Variants in HNRNPUL1 observed in about 807,000 individuals in gnomAD.
HNRNPUL1 encodes the protein heterogeneous nuclear ribonucleoprotein U-like protein 1.
In HNRNPUL1, 14 loss-of-function variants were observed where a neutral mutation model predicts 108.5. That is an observed-to-expected ratio of 0.13 (90% CI 0.09 to 0.20). The LOEUF is 0.20. HNRNPUL1 is among the 10% of genes least tolerant of loss of function. The pLI, the probability that HNRNPUL1 is intolerant of heterozygous loss-of-function variation, is 1.00. For missense variants in HNRNPUL1, 804 were observed against 1,168.3 expected (o/e 0.69, Z 4.55); for synonymous variants, 422 against 445.2 (o/e 0.95, Z 0.66).
At chr19:41,295,178 C>T (rs771787543) in intron 10 of HNRNPUL1, among the ~76,000 whole-genome samples, 1 of 152,162 alleles carries the variant, frequency 6.6e-6, no homozygotes, top group Non-Finnish European at 1.5e-5. Context: ...ATGCCAACAG[C>T]AGTGCTGTAA....
intron 7 of HNRNPUL1, among the ~76,000 whole-genome samples, chr19:41,286,868 C>G (rs1402454802): frequency 6.6e-6 from 1 of 151,884 alleles, no homozygotes; most frequent in Non-Finnish European, 1.5e-5. Context: ...AGGCGCCTGC[C>G]ACCATGCCTG....
rs182493352 is a variant in HNRNPUL1 at position 41,265,740 on chromosome 19, G to A, written c.295+942G>A. 4.4e-4 allele frequency among the ~76,000 whole-genome samples: 67 copies of A among 152,198 alleles called. 1 individual carries two copies. The East Asian group carries it at 0.013, about 29-fold the overall frequency. ...TTTTTGGAGAACAGAGGGTAGCTGG[G>A]GGTGGGATGGGGGCAGATGAGTTGG... On this transcript the variant is annotated intron_variant, in intron 1 of 14. Transcript: ENST00000392006.
rs552665670 is a variant in HNRNPUL1, at chr19:41,277,132, C to G, written c.786+834C>G. ...AACAAAAAAACAAAAACAAAAAAAA[C>G]AAAACAGGTTATTCTCATGTCCTCT... On this transcript the variant is annotated intron_variant, in intron 5 of 14. Transcript: ENST00000392006. 7.7e-4 allele frequency among the ~76,000 whole-genome samples: 116 copies of G among 150,584 alleles called. 2 individuals are homozygous for G. The Middle Eastern group carries it at 0.028, about 36-fold the overall frequency.
chr19:41,305,564 AG>A, intron 13 of HNRNPUL1, 111 bp from the exon 14 acceptor site: 1 of 1,291,082 alleles, frequency 7.7e-7, no homozygotes, highest in East Asian at 2.3e-5. Context: ...AGGCAAGGGA[AG>A]GGCCCCTGTG....
intron 7 of HNRNPUL1, among the ~76,000 whole-genome samples, chr19:41,289,160 C>G (rs965043490): frequency 2.0e-5 from 3 of 152,132 alleles, no homozygotes; most frequent in African/African-American, 7.2e-5. Flanking sequence ...TAGGCCTTGA[C>G]TCTTGCTTCA....
At chr19:41,273,747 C>A (rs1599775666) in intron 3 of HNRNPUL1, among the ~76,000 whole-genome samples, 2 of 152,098 alleles carry the variant, frequency 1.3e-5, no homozygotes, top group Admixed American at 6.5e-5. Context: ...TTCTGATGCC[C>A]CCCTTCAGCA....
chr19:41,265,087 C>T lies in HNRNPUL1; in HGVS notation c.295+289C>T, dbSNP rs1376447724. On this transcript the variant is annotated intron_variant, in intron 1 of 14. Coordinates refer to ENST00000392006, the MANE Select transcript of HNRNPUL1 (RefSeq NM_007040.6). ...CGTAGGGATCGGAGACCGGAAACTGCTTTCTGGAGCCGAAGAGAGTCGGAA... is the reference window on the plus strand; with the variant it reads ...CGTAGGGATCGGAGACCGGAAACTGTTTTCTGGAGCCGAAGAGAGTCGGAA... 3.5e-6 allele frequency: 5 copies of T among 1,414,192 alleles called. No individual in the cohort carries two copies. The Admixed American group carries it at 1.2e-4, about 34-fold the overall frequency. 87.6% of individuals were successfully genotyped at this position (1,414,192 alleles called of 1,614,324 possible).
rs2122809309 is a variant in HNRNPUL1 at position 41,292,017 on chromosome 19, C to T, written c.1000-228C>T. The T allele has an allele frequency of 6.9e-6, 3 of 432,596 alleles. No homozygotes were observed. The highest frequency in any genetic ancestry group is 4.7e-5 in the East Asian group (1 of 21,286). The allele number at this position is 432,596 out of a possible 1,614,324, so 26.8% of individuals were successfully genotyped here. ...AACAAAAAAAAAAAACTCTTGCTTA[C>T]TTGCTTCATATCCACCAACTTTGGG... is the stretch of plus-strand genomic sequence containing the variant. On this transcript the variant is annotated intron_variant, in intron 7 of 14. Coordinates refer to ENST00000392006, the MANE Select transcript of HNRNPUL1 (RefSeq NM_007040.6). The surrounding 1 kb of genome is among the most constrained non-coding windows in gnomAD (Gnocchi z 4.1).
rs1469123584 is a variant in HNRNPUL1 at position 41,278,932 on chromosome 19, C to A, written c.787-145C>A. ...CCTGGCTTCGATTCGGTTCAACAGG[C>A]TTTTCAGAGCTGCTTAAACGCTTCT... On this transcript the variant is annotated intron_variant, in intron 5 of 14. Transcript: ENST00000392006. 8 of 655,578 alleles carry A rather than the reference C, an allele frequency of 1.2e-5. No homozygotes were observed. The Admixed American group carries it at 2.0e-4, about 16-fold the overall frequency. The allele number at this position is 655,578 out of a possible 1,614,324, so 40.6% of individuals were successfully genotyped here.
chr19:41,269,369 A>T (rs1331025332), intron 2 of HNRNPUL1, among the ~76,000 whole-genome samples: 1 of 150,810 alleles, frequency 6.6e-6, no homozygotes. Context: ...AGTTAAAGCT[A>T]CTCAGGAGAC....
chr19:41,270,543 G>T (rs559612807), intron 2 of HNRNPUL1, among the ~76,000 whole-genome samples: 1 of 149,224 alleles, frequency 6.7e-6, no homozygotes, highest in Non-Finnish European at 1.5e-5. Flanking sequence ...ATCATGTTAA[G>T]TATATGTCTT....
At chr19:41,304,390 G>T in intron 13 of HNRNPUL1, 129 bp downstream of exon 13, 1 of 1,453,962 alleles carries the variant, frequency 6.9e-7, no homozygotes, top group East Asian at 2.5e-5. Context: ...CTAACCTCTA[G>T]CCTGCCCTTC....
chr19:41,299,242 C>T (rs2037059887), intron 10 of HNRNPUL1, among the ~76,000 whole-genome samples: 1 of 152,184 alleles, frequency 6.6e-6, no homozygotes, highest in Non-Finnish European at 1.5e-5. Flanking sequence ...TGCCCACATC[C>T]TCCTTCGTGA....
At chr19:41,302,349 G>T (rs1333113350) in intron 11 of HNRNPUL1, 2 of 375,170 alleles carry the variant, frequency 5.3e-6, no homozygotes, top group Non-Finnish European at 1.0e-5. Flanking sequence ...CTCCCGAGTA[G>T]CTGGGACTAC....
chr19:41,282,261 C>T (rs1390695425), intron 7 of HNRNPUL1, among the ~76,000 whole-genome samples: 3 of 152,198 alleles, frequency 2.0e-5, no homozygotes, highest in Non-Finnish European at 2.9e-5. Context: ...CGGCTCACCA[C>T]AATCTCCGCC....
chr19:41,285,046 G>C (rs2036143139), intron 7 of HNRNPUL1, among the ~76,000 whole-genome samples: 1 of 148,628 alleles, frequency 6.7e-6, no homozygotes, highest in Admixed American at 6.7e-5. Context: ...TCAAGAAAAA[G>C]TGAAGTCATT....
intron 10 of HNRNPUL1, among the ~76,000 whole-genome samples, chr19:41,296,902 G>C (rs1314206889): frequency 6.6e-6 from 1 of 152,194 alleles, no homozygotes; most frequent in Non-Finnish European, 1.5e-5. Flanking sequence ...CTCCTGTTAT[G>C]TAGGTTGGCC....
At chr19:41,297,516 A>C (rs2036960729) in intron 10 of HNRNPUL1, among the ~76,000 whole-genome samples, 1 of 152,144 alleles carries the variant, frequency 6.6e-6, no homozygotes, top group Admixed American at 6.5e-5. Context: ...GGAGGTGGGA[A>C]GCCTCTGGAA....
At chr19:41,304,751 C>G (rs576309308) in intron 13 of HNRNPUL1, among the ~76,000 whole-genome samples, 1 of 152,344 alleles carries the variant, frequency 6.6e-6, no homozygotes, top group African/African-American at 2.4e-5. Context: ...TCTTGGAAAG[C>G]CAGTGCCCTG....
Sources: allele counts gnomAD v4.1 joint callset (sites outside exome capture counted in the v4.1 genomes callset), GRCh38; gene constraint gnomAD v4.1.1; non-coding constraint Gnocchi (gnomAD v3.1); transcripts MANE v1.5; gene names NCBI Gene and HGNC (gene_info 2026-07-23, HGNC 2026-07-21).